SKAP2: variants seen among roughly 807,000 people sequenced by gnomAD.
The protein encoded by SKAP2 is src kinase-associated phosphoprotein 2.
SKAP2 carries 28 observed loss-of-function variants against 54.9 expected under a neutral mutation model. That is an observed-to-expected ratio of 0.51 (90% CI 0.38 to 0.70). The LOEUF is 0.70. Ranked by LOEUF, SKAP2 falls within the 30% of genes least tolerant of loss-of-function variation. The probability of loss-of-function intolerance (pLI) is 0.00; values close to 1 mark genes in which losing one functional copy is unlikely to be tolerated. For missense variants in SKAP2, 356 were observed against 424.1 expected (o/e 0.84, Z 1.41); for synonymous variants, 137 against 134.3 (o/e 1.02, Z -0.14).
intron 4 of SKAP2, among the ~76,000 whole-genome samples, chr7:26,793,632 A>G (rs1289966151): frequency 6.6e-6 from 1 of 152,200 alleles, no homozygotes; most frequent in Non-Finnish European, 1.5e-5. Flanking sequence ...GAGGTACATA[A>G]TCTAAGTTAT....
intron 4 of SKAP2, among the ~76,000 whole-genome samples, chr7:26,841,304 G>C (rs1052024324): frequency 1.1e-4 from 16 of 151,784 alleles, no homozygotes; most frequent in African/African-American, 3.6e-4. Flanking sequence ...CTGTTAGCAT[G>C]CAGCAAGTTA....
At chr7:26,786,235 T>A (rs1035026258) in intron 4 of SKAP2, among the ~76,000 whole-genome samples, 1 of 152,176 alleles carries the variant, frequency 6.6e-6, no homozygotes, top group African/African-American at 2.4e-5. Context: ...TGTAAAAAAG[T>A]TAAATTAATT....
At chr7:26,711,547 G>A (rs116412807) in intron 9 of SKAP2, among the ~76,000 whole-genome samples, 2,420 of 152,238 alleles carry the variant, frequency 0.016, 63 homozygotes, top group African/African-American at 0.055. Flanking sequence ...TTTGTTTAAG[G>A]CATCTAGAGC....
intron 1 of SKAP2, among the ~76,000 whole-genome samples, chr7:26,863,246 T>C (rs1785304270): frequency 6.6e-6 from 1 of 152,156 alleles, no homozygotes; most frequent in Non-Finnish European, 1.5e-5. Flanking sequence ...TGGACTCACA[T>C]TGCTATAGGA....
At chr7:26,724,851 G>C (rs1787664543) in intron 9 of SKAP2, among the ~76,000 whole-genome samples, 1 of 152,028 alleles carries the variant, frequency 6.6e-6, no homozygotes, top group Non-Finnish European at 1.5e-5. Flanking sequence ...CACTAAACTA[G>C]GTCTGAGCAT....
chr7:26,683,682 A>T (rs1786565305), intron 11 of SKAP2, among the ~76,000 whole-genome samples: 1 of 152,164 alleles, frequency 6.6e-6, no homozygotes. Context: ...TATAAAACCA[A>T]GAATTAGATT....
intron 11 of SKAP2, among the ~76,000 whole-genome samples, chr7:26,677,490 A>G (rs527539033): frequency 1.3e-5 from 2 of 151,864 alleles, no homozygotes; most frequent in South Asian, 4.2e-4. Flanking sequence ...ACCCCTTTCC[A>G]TAGCACAGCC....
chr7:26,704,204 C>T (rs747877603), intron 9 of SKAP2, among the ~76,000 whole-genome samples: 2 of 152,194 alleles, frequency 1.3e-5, no homozygotes, highest in Non-Finnish European at 2.9e-5. Flanking sequence ...GTAATGGCCA[C>T]AGAAAGTGAA....
chr7:26,715,543 G>A (rs1204993126), intron 9 of SKAP2, among the ~76,000 whole-genome samples: 2 of 152,046 alleles, frequency 1.3e-5, no homozygotes, highest in African/African-American at 2.4e-5. Flanking sequence ...TTGGAAAGCC[G>A]AGGCGGGTGG....
intron 4 of SKAP2, among the ~76,000 whole-genome samples, chr7:26,826,450 C>T (rs1784496195): frequency 6.6e-6 from 1 of 152,204 alleles, no homozygotes; most frequent in Non-Finnish European, 1.5e-5. Context: ...ACTTCCCTTT[C>T]TGCTTTGTGC....
At position 26,684,836 on chromosome 7, in the gene SKAP2, G is replaced by T; in HGVS notation, c.887C>A (p.Thr296Asn). 6.2e-7 allele frequency: 1 copy of T among 1,602,506 alleles called. No individual in the cohort carries two copies. The highest frequency in any genetic ancestry group is 8.5e-7 in the Non-Finnish European group (1 of 1,169,958). The change falls in exon 11 of 13, where the codon ACT becomes AAT. Residue 296 changes from threonine (T) to asparagine (N), a missense_variant. By Grantham distance (65) the Thr-to-Asn change is moderately conservative (BLOSUM62 0). Transcript: ENST00000345317. ...TCCCTGGTAAAAATTAGCATAATCAGTGCTCTTATCCCCTAGGAAGAAGAA... is the reference window on the plus strand; with the variant it reads ...TCCCTGGTAAAAATTAGCATAATCATTGCTCTTATCCCCTAGGAAGAAGAA... ...SVHHTSGDKS[T>N]DYANFYQGLW...
chr7:26,805,246 A>T (rs760027892), intron 4 of SKAP2, among the ~76,000 whole-genome samples: 4 of 152,246 alleles, frequency 2.6e-5, no homozygotes, highest in African/African-American at 9.6e-5. Flanking sequence ...ATGATGTCAT[A>T]TATGTACAGA....
intron 4 of SKAP2, among the ~76,000 whole-genome samples, chr7:26,761,711 C>T (rs1216321314): frequency 6.6e-6 from 1 of 152,062 alleles, no homozygotes; most frequent in Non-Finnish European, 1.5e-5. Flanking sequence ...CCGGCCTGGG[C>T]AACATGGGGA....
At chr7:26,808,064 A>C (rs1051112217) in intron 4 of SKAP2, among the ~76,000 whole-genome samples, 2 of 152,198 alleles carry the variant, frequency 1.3e-5, no homozygotes, top group South Asian at 2.1e-4. Context: ...AACCCACAAT[A>C]TCTCTGAGGT....
At chr7:26,696,691 G>A (rs1786902194) in intron 9 of SKAP2, among the ~76,000 whole-genome samples, 1 of 151,816 alleles carries the variant, frequency 6.6e-6, no homozygotes, top group Non-Finnish European at 1.5e-5. Context: ...ATTATTCTAA[G>A]GTTTAATATG....
chr7:26,763,529 A>G (rs574067623), intron 4 of SKAP2, among the ~76,000 whole-genome samples: 1 of 152,112 alleles, frequency 6.6e-6, no homozygotes, highest in Admixed American at 6.5e-5. Context: ...ACTGTTTTTC[A>G]CTTTATAGAT....
chr7:26,719,743 G>C (rs1321320721), intron 9 of SKAP2, among the ~76,000 whole-genome samples: 4 of 152,132 alleles, frequency 2.6e-5, no homozygotes, highest in South Asian at 2.1e-4. Context: ...AAACGTGATA[G>C]GCAAGTCCAG....
intron 9 of SKAP2, among the ~76,000 whole-genome samples, chr7:26,715,331 T>A (rs553608012): frequency 6.6e-6 from 1 of 152,216 alleles, no homozygotes; most frequent in South Asian, 2.1e-4. Flanking sequence ...TTTGGTTCTT[T>A]AAAAAAATCT....
intron 4 of SKAP2, among the ~76,000 whole-genome samples, chr7:26,757,511 T>C (rs1782821569): frequency 6.6e-6 from 1 of 152,112 alleles, no homozygotes; most frequent in African/African-American, 2.4e-5. Flanking sequence ...CTGAGCGCTC[T>C]GTTCTGTTCC....
Sources: allele counts gnomAD v4.1 joint callset (sites outside exome capture counted in the v4.1 genomes callset), GRCh38; gene constraint gnomAD v4.1.1; transcripts MANE v1.5; gene names NCBI Gene and HGNC (gene_info 2026-07-23, HGNC 2026-07-21).